TPD52: variants seen among roughly 807,000 people sequenced by gnomAD.
The protein encoded by TPD52 is prostate and colon associated protein.
TPD52 carries 17 observed loss-of-function variants against 31.3 expected under a neutral mutation model. That is an observed-to-expected ratio of 0.54 (90% CI 0.37 to 0.82). The LOEUF is 0.82. Ranked by LOEUF, TPD52 falls within the 40% of genes least tolerant of loss-of-function variation. The pLI is 0.00. For synonymous variants in TPD52, 83 were observed against 89.6 expected, an observed-to-expected ratio of 0.93 and a Z score of 0.42; for missense variants, 212 against 240.1, an observed-to-expected ratio of 0.88 and a Z score of 0.77.
chr8:80,150,501 C>T (rs917919639), intron 1 of TPD52, among the ~76,000 whole-genome samples: 4 of 152,196 alleles, frequency 2.6e-5, no homozygotes, highest in African/African-American at 9.7e-5. Context: ...CACTGTGTAC[C>T]TGGAAAAGCC....
chr8:80,071,030 C>T (rs1049408671), intron 1 of TPD52, among the ~76,000 whole-genome samples: 1 of 152,106 alleles, frequency 6.6e-6, no homozygotes, highest in Non-Finnish European at 1.5e-5. Context: ...ACAGAGAACA[C>T]GCAGAGATTG....
chr8:80,137,358 A>G (rs1254999797), intron 1 of TPD52, among the ~76,000 whole-genome samples: 2 of 152,342 alleles, frequency 1.3e-5, no homozygotes, highest in South Asian at 2.1e-4. Flanking sequence ...TATGGTGATT[A>G]TTTATGGCAA....
At chr8:80,133,857 C>G (rs1292789362) in intron 1 of TPD52, among the ~76,000 whole-genome samples, 1 of 151,654 alleles carries the variant, frequency 6.6e-6, no homozygotes, top group Non-Finnish European at 1.5e-5. Context: ...TTCAAAACAC[C>G]CCAAGGAAGA....
At chr8:80,095,526 C>T (rs1816661771) in intron 1 of TPD52, among the ~76,000 whole-genome samples, 1 of 152,144 alleles carries the variant, frequency 6.6e-6, no homozygotes, top group African/African-American at 2.4e-5. Flanking sequence ...ATAATAATGT[C>T]TCAGCATTAA....
intron 2 of TPD52, among the ~76,000 whole-genome samples, chr8:80,061,442 C>T (rs937019174): frequency 6.3e-5 from 9 of 142,100 alleles, no homozygotes; most frequent in Admixed American, 3.9e-4. Flanking sequence ...TGGCTTATGC[C>T]TGTAATCCCA....
At chr8:80,057,795 CT>C (rs1179583196) in intron 2 of TPD52, among the ~76,000 whole-genome samples, 1 of 152,046 alleles carries the variant, frequency 6.6e-6, no homozygotes, top group African/African-American at 2.4e-5. Context: ...CATGTACCCC[CT>C]GAATCTAAAA....
At chr8:80,112,575 C>T (rs931024301) in intron 1 of TPD52, among the ~76,000 whole-genome samples, 2 of 152,134 alleles carry the variant, frequency 1.3e-5, no homozygotes, top group African/African-American at 4.8e-5. Flanking sequence ...TCGTATCTCG[C>T]AAGTCTAAAA....
At chr8:80,090,213 G>A (rs969799879) in intron 1 of TPD52, among the ~76,000 whole-genome samples, 1 of 152,054 alleles carries the variant, frequency 6.6e-6, no homozygotes, top group Non-Finnish European at 1.5e-5. Context: ...GCAACAAAGC[G>A]AGGCCCTGGC....
At chr8:80,147,868 C>A (rs1031604005) in intron 1 of TPD52, among the ~76,000 whole-genome samples, 1 of 151,986 alleles carries the variant, frequency 6.6e-6, no homozygotes, top group Non-Finnish European at 1.5e-5. Context: ...CCCACACCCC[C>A]TGTACTTTAT....
intron 2 of TPD52, among the ~76,000 whole-genome samples, chr8:80,053,979 T>C (rs1232234165): frequency 2.0e-5 from 3 of 152,138 alleles, no homozygotes; most frequent in Non-Finnish European, 2.9e-5. Flanking sequence ...GGCAAAGTCA[T>C]GGCCATAATA....
At chr8:80,165,613 T>C (rs1811661876) in intron 1 of TPD52, among the ~76,000 whole-genome samples, 1 of 152,136 alleles carries the variant, frequency 6.6e-6, no homozygotes, top group African/African-American at 2.4e-5. Context: ...GAAAGAAACA[T>C]TCTTATCACA....
At chr8:80,150,460 A>G (rs964033268) in intron 1 of TPD52, among the ~76,000 whole-genome samples, 18 of 152,150 alleles carry the variant, frequency 1.2e-4, no homozygotes, top group African/African-American at 4.3e-4. Flanking sequence ...CATCCTCCAG[A>G]TCCCAAAATG....
At chr8:80,064,748 A>C in intron 1 of TPD52, 155 bp from the exon 2 acceptor site, 1 of 705,958 alleles carries the variant, frequency 1.4e-6, no homozygotes, top group Non-Finnish European at 2.6e-6. Flanking sequence ...TCAGCAAAGG[A>C]CAAAAGAAAA....
At chr8:80,059,153 A>G (rs565583580) in intron 2 of TPD52, among the ~76,000 whole-genome samples, 23 of 152,342 alleles carry the variant, frequency 1.5e-4, no homozygotes, top group Non-Finnish European at 2.8e-4. Context: ...AAACAAGAGG[A>G]AAACCAGAAA....
At chr8:80,131,509 T>C (rs1797064258) in intron 1 of TPD52, among the ~76,000 whole-genome samples, 1 of 152,276 alleles carries the variant, frequency 6.6e-6, no homozygotes, top group Admixed American at 6.5e-5. Flanking sequence ...CCACTCTAGC[T>C]ACTCCTTGGC....
chr8:80,094,704 A>G (rs1306498685), intron 1 of TPD52, among the ~76,000 whole-genome samples: 1 of 151,640 alleles, frequency 6.6e-6, no homozygotes, highest in Non-Finnish European at 1.5e-5. Flanking sequence ...TGAACTGTAT[A>G]CTTAAAAATG....
Position 80,154,752 on chromosome 8 carries a change from C to CAAAA in TPD52, c.19+16669_19+16672dup, listed in dbSNP as rs375987876. ...ACACACACACACACACACACACACA[C>CAAAA]AAAACACCTACATTAGCTTTGAAGT... On this transcript the variant is annotated intron_variant, in intron 1 of 7. Transcript: ENST00000518937. Among the ~76,000 whole-genome samples the CAAAA allele has an allele frequency of 1.9e-3, 259 of 139,466 alleles. 12 individuals carry two copies. Among genetic ancestry groups the CAAAA allele is most frequent in the South Asian group, 0.013 (60 of 4,560 alleles). 91.5% of individuals were successfully genotyped at this position (139,466 alleles called of 152,430 possible).
intron 7 of TPD52, among the ~76,000 whole-genome samples, chr8:80,040,376 G>A (rs7002175): frequency 6.6e-6 from 1 of 151,784 alleles, no homozygotes; most frequent in Non-Finnish European, 1.5e-5. Flanking sequence ...TTTTGGTAGA[G>A]ACAGGGTTTT....
chr8:80,086,733 T>C (rs1815809819), intron 1 of TPD52, among the ~76,000 whole-genome samples: 2 of 150,982 alleles, frequency 1.3e-5, no homozygotes, highest in African/African-American at 2.4e-5. Context: ...AATTAGCTGG[T>C]TGGGGGGGCA....
Sources: gnomAD v4.1 joint callset for allele counts (sites outside exome capture counted in the v4.1 genomes callset) on GRCh38, gnomAD v4.1.1 for gene constraint, MANE v1.5 for transcripts, NCBI Gene and HGNC (gene_info 2026-07-23, HGNC 2026-07-21) for gene names.